Variants in PARD3B observed in about 807,000 individuals in gnomAD.
PARD3B encodes the protein partitioning defective 3 homolog B.
Under a neutral mutation model 130.2 loss-of-function variants are expected in PARD3B, and 103 were observed. That is an observed-to-expected ratio of 0.79 (90% CI 0.67 to 0.93). PARD3B has a LOEUF of 0.93. Among genes scored for constraint, PARD3B ranks in the 40% least tolerant of loss-of-function variants. PARD3B has a pLI of 0.00. For synonymous variants in PARD3B, 583 were observed against 553.2 expected (o/e 1.05, Z -0.76); for missense variants, 1,609 against 1,499.2 (o/e 1.07, Z -1.21).
chr2:205,180,932 A>G (rs929759525), intron 13 of PARD3B, among the ~76,000 whole-genome samples: 3 of 152,108 alleles, frequency 2.0e-5, no homozygotes, highest in African/African-American at 7.2e-5. Flanking sequence ...ATGCACCAAC[A>G]CTGTATTTTC....
At chr2:205,156,281 A>G (rs1264399686) in intron 10 of PARD3B, among the ~76,000 whole-genome samples, 10 of 139,880 alleles carry the variant, frequency 7.1e-5, no homozygotes, top group East Asian at 4.3e-4. Flanking sequence ...CGGGGGGGGG[A>G]GGAATAGCAT....
chr2:205,039,180 GTTGCC>G (rs1698218370), intron 3 of PARD3B, among the ~76,000 whole-genome samples: 3 of 151,982 alleles, frequency 2.0e-5, no homozygotes, highest in Admixed American at 2.0e-4. Flanking sequence ...AGAAAATGTA[GTTGCC>G]TCCAAAAACA....
intron 2 of PARD3B, among the ~76,000 whole-genome samples, chr2:204,805,819 C>T (rs1221113215): frequency 6.6e-6 from 1 of 151,936 alleles, no homozygotes; most frequent in Non-Finnish European, 1.5e-5. Context: ...GCCATGTGGT[C>T]ATTTCAATTG....
intron 1 of PARD3B, among the ~76,000 whole-genome samples, chr2:204,666,943 G>C (rs2036051861): frequency 6.6e-6 from 1 of 152,104 alleles, no homozygotes; most frequent in Non-Finnish European, 1.5e-5. Flanking sequence ...GAACATTGAG[G>C]GATTTGGATG....
chr2:205,238,852 ATATATATAT>A, intron 15 of PARD3B, among the ~76,000 whole-genome samples: 1 of 71,054 alleles, frequency 1.4e-5, no homozygotes, highest in Non-Finnish European at 2.5e-5. Flanking sequence ...AAAAAAAAAT[ATATATATAT>A]ATATATATAT....
chr2:205,424,677 T>C (rs1229401141), intron 19 of PARD3B, among the ~76,000 whole-genome samples: 1 of 152,168 alleles, frequency 6.6e-6, no homozygotes, highest in Non-Finnish European at 1.5e-5. Flanking sequence ...TTTATTCTCT[T>C]TATTTTTCCT....
intron 21 of PARD3B, among the ~76,000 whole-genome samples, chr2:205,516,916 C>T (rs2050815434): frequency 6.6e-6 from 1 of 151,942 alleles, no homozygotes; most frequent in Non-Finnish European, 1.5e-5. Context: ...ATAGATGGCT[C>T]TTATTATTTT....
intron 2 of PARD3B, among the ~76,000 whole-genome samples, chr2:204,945,385 C>T (rs2125812327): frequency 6.6e-6 from 1 of 152,246 alleles, no homozygotes; most frequent in East Asian, 1.9e-4. Context: ...CCCTTCAGAC[C>T]AGCTAGCTCG....
At chr2:205,004,315 G>A (rs181979567) in intron 3 of PARD3B, among the ~76,000 whole-genome samples, 1 of 152,154 alleles carries the variant, frequency 6.6e-6, no homozygotes, top group African/African-American at 2.4e-5. Flanking sequence ...TCCTGCTTCC[G>A]CAAGAATTTT....
chr2:205,606,857 G>A (rs1035591153), intron 22 of PARD3B, among the ~76,000 whole-genome samples: 4 of 152,110 alleles, frequency 2.6e-5, no homozygotes, highest in Admixed American at 2.0e-4. Context: ...CATAGCCACA[G>A]GGATTCCTTA....
chr2:204,766,537 G>C (rs2041156602), intron 2 of PARD3B, among the ~76,000 whole-genome samples: 1 of 151,874 alleles, frequency 6.6e-6, no homozygotes, highest in Non-Finnish European at 1.5e-5. Flanking sequence ...TACTCTTAAT[G>C]TACTATTGCT....
intron 4 of PARD3B, among the ~76,000 whole-genome samples, chr2:205,074,362 C>A (rs1234930694): frequency 6.6e-6 from 1 of 152,146 alleles, no homozygotes; most frequent in Non-Finnish European, 1.5e-5. Flanking sequence ...CTCATTTGAA[C>A]TTTTAAAAGT....
intron 2 of PARD3B, among the ~76,000 whole-genome samples, chr2:204,766,745 G>C (rs1056902923): frequency 1.3e-5 from 2 of 150,694 alleles, no homozygotes; most frequent in African/African-American, 4.9e-5. Flanking sequence ...AACTAACTTT[G>C]TTATGCTTTG....
At chr2:204,701,188 C>T (rs1019597772) in intron 2 of PARD3B, among the ~76,000 whole-genome samples, 2 of 152,050 alleles carry the variant, frequency 1.3e-5, no homozygotes, top group African/African-American at 4.8e-5. Context: ...GGATTTTTAG[C>T]TTTAGCTTCC....
chr2:205,596,427 G>A (rs896886528), intron 22 of PARD3B, among the ~76,000 whole-genome samples: 2 of 152,172 alleles, frequency 1.3e-5, no homozygotes, highest in African/African-American at 2.4e-5. Flanking sequence ...ATAATGAGCT[G>A]GATTCTGGAT....
At chr2:204,781,248 C>G (rs2041826934) in intron 2 of PARD3B, among the ~76,000 whole-genome samples, 1 of 152,006 alleles carries the variant, frequency 6.6e-6, no homozygotes, top group South Asian at 2.1e-4. Context: ...TAGCTCAATG[C>G]TAGGTTCTTG....
In PARD3B at chr2:204,546,809, G is replaced by C. The variant is rs147312602; in HGVS notation, c.120+690G>C. On this transcript the variant is annotated intron_variant, in intron 1 of 22. Coordinates refer to ENST00000406610, the MANE Select transcript of PARD3B (RefSeq NM_001302769.2). ...TATTAAAATGAGAAAGACGTTCCTA[G>C]CTCTGTAGCTGAAGTCAGGAACAAG... Among the ~76,000 whole-genome samples the C allele has an allele frequency of 2.6e-5, 4 of 152,318 alleles. No homozygotes were observed. In the East Asian group the frequency reaches 7.7e-4, roughly 29 times the overall value.
intron 2 of PARD3B, among the ~76,000 whole-genome samples, chr2:204,770,571 T>C (rs1051277040): frequency 1.4e-4 from 21 of 152,210 alleles, no homozygotes; most frequent in African/African-American, 5.1e-4. Flanking sequence ...GTGGCAACGT[T>C]CTTTGAGAGA....
chr2:204,782,315 G>T (rs10192436), intron 2 of PARD3B, among the ~76,000 whole-genome samples: 1 of 151,562 alleles, frequency 6.6e-6, no homozygotes, highest in Non-Finnish European at 1.5e-5. Context: ...TAAAATGATG[G>T]TGTTTGCTTA....
Sources: allele counts gnomAD v4.1 joint callset (sites outside exome capture counted in the v4.1 genomes callset), GRCh38; gene constraint gnomAD v4.1.1; transcripts MANE v1.5; gene names NCBI Gene and HGNC (gene_info 2026-07-23, HGNC 2026-07-21).